Variants in ARHGAP8 observed in about 807,000 individuals in gnomAD.
ARHGAP8 encodes the protein rho GTPase-activating protein 8.
A neutral mutation model predicts 46.1 loss-of-function variants in ARHGAP8; 62 were observed. The ratio of observed to expected loss-of-function variants is 1.34; its 90% CI spans 1.10 to 1.66. The LOEUF (loss-of-function observed/expected upper bound fraction) is 1.66. ARHGAP8 is among the 40% of genes most tolerant of loss of function. The pLI is 0.00. For missense variants in ARHGAP8, 923 were observed against 568.4 expected (o/e 1.62, Z -6.34); for synonymous variants, 375 against 243.1 (o/e 1.54, Z -5.05).
intron 1 of ARHGAP8, among the ~76,000 whole-genome samples, chr22:44,783,224 G>T (rs552110104): frequency 2.0e-5 from 3 of 152,136 alleles, no homozygotes; most frequent in African/African-American, 7.2e-5. Context: ...GGTCTGGCCT[G>T]GCTCTCCCAT....
At chr22:44,777,822 A>T (rs1390284150) in intron 1 of ARHGAP8, among the ~76,000 whole-genome samples, 1 of 151,960 alleles carries the variant, frequency 6.6e-6, no homozygotes, top group African/African-American at 2.4e-5. Context: ...GACCCTCCCA[A>T]GTAGCTGGGA....
chr22:44,825,346 C>T, intron 6 of ARHGAP8, 137 bp from the exon 7 acceptor site: 2 of 787,312 alleles, frequency 2.5e-6, no homozygotes, highest in Non-Finnish European at 4.0e-6. Context: ...TGTGTGTGAG[C>T]TGGCAGTGTG....
At chr22:44,829,946 G>A (rs144172455) in intron 7 of ARHGAP8, among the ~76,000 whole-genome samples, 4,481 of 152,146 alleles carry the variant, frequency 0.029, 126 homozygotes, top group Middle Eastern at 0.16. Flanking sequence ...CAGGTACAGG[G>A]CAGAGCTTGA....
At chr22:44,851,331 C>G (rs188754121) in intron 10 of ARHGAP8, among the ~76,000 whole-genome samples, 2 of 152,206 alleles carry the variant, frequency 1.3e-5, no homozygotes, top group African/African-American at 4.8e-5. Context: ...AAGACAGATT[C>G]ACACGAGAAA....
chr22:44,831,560 A>G (rs537571465), intron 7 of ARHGAP8, among the ~76,000 whole-genome samples: 6 of 152,292 alleles, frequency 3.9e-5, no homozygotes, highest in Admixed American at 6.5e-5. Context: ...TGTGCTGGGC[A>G]TGGTGGCAGG....
At chr22:44,791,278 T>C (rs962229474) in intron 2 of ARHGAP8, among the ~76,000 whole-genome samples, 2 of 152,084 alleles carry the variant, frequency 1.3e-5, no homozygotes, top group African/African-American at 4.8e-5. Context: ...CCGGGGAGTA[T>C]ATGAAGTTGT....
intron 8 of ARHGAP8, among the ~76,000 whole-genome samples, chr22:44,847,598 T>C (rs930709484): frequency 6.6e-6 from 1 of 152,232 alleles, no homozygotes; most frequent in African/African-American, 2.4e-5. Context: ...TGCCAGGCAC[T>C]TGCTGGGCAT....
Position 44,792,792 on chromosome 22 carries a change from AGTG to A in ARHGAP8, c.79+6204_79+6206del, listed in dbSNP as rs756818869. Among the ~76,000 whole-genome samples the A allele has an allele frequency of 7.6e-5, 7 of 91,946 alleles. No homozygotes were observed. In the South Asian group the frequency reaches 1.9e-3, roughly 26 times the overall value. The allele number at this position is 91,946 out of a possible 152,430, so 60.3% of individuals were successfully genotyped here. ...TTTGTAGAATTTTGACACTAACGAC[AGTG>A]GTGGTGGTGGTGGTGGTTTTTTTTG... On this transcript the variant is annotated intron_variant, in intron 2 of 11. Coordinates refer to ENST00000356099, the MANE Select transcript of ARHGAP8 (RefSeq NM_181335.3).
At chr22:44,784,470 T>C (rs1927070346) in intron 1 of ARHGAP8, among the ~76,000 whole-genome samples, 1 of 152,178 alleles carries the variant, frequency 6.6e-6, no homozygotes, top group African/African-American at 2.4e-5. Context: ...GTATTTGGTA[T>C]TATAAGTAAT....
At chr22:44,792,152 C>G (rs972578339) in intron 2 of ARHGAP8, among the ~76,000 whole-genome samples, 3 of 152,038 alleles carry the variant, frequency 2.0e-5, no homozygotes, top group Non-Finnish European at 4.4e-5. Context: ...GCTGAGATTA[C>G]AGGCACCCAC....
chr22:44,862,227 G>C (rs377435528), intron 11 of ARHGAP8, 48 bp from the exon 12 acceptor site: 118 of 1,536,096 alleles, frequency 7.7e-5, no homozygotes, highest in Middle Eastern at 1.8e-4. Context: ...CCAGGTGCCC[G>C]TGCCCCTTGG....
chr22:44,841,278 T>A (rs575348610), intron 7 of ARHGAP8, among the ~76,000 whole-genome samples: 27 of 152,354 alleles, frequency 1.8e-4, no homozygotes, highest in African/African-American at 6.3e-4. Flanking sequence ...CGAGCGTGAT[T>A]TGCCGATTGT....
intron 7 of ARHGAP8, among the ~76,000 whole-genome samples, chr22:44,826,851 T>A (rs1486393424): frequency 6.6e-6 from 1 of 152,172 alleles, no homozygotes; most frequent in Non-Finnish European, 1.5e-5. Flanking sequence ...GCAGGGGCAT[T>A]CCTGGGGTTA....
chr22:44,785,518 T>C (rs1927153765), intron 1 of ARHGAP8, among the ~76,000 whole-genome samples: 2 of 152,136 alleles, frequency 1.3e-5, no homozygotes, highest in African/African-American at 2.4e-5. Flanking sequence ...TCCTGAGTCA[T>C]TGGATTCAGG....
intron 1 of ARHGAP8, among the ~76,000 whole-genome samples, chr22:44,762,530 A>T (rs132454): frequency 2.0e-5 from 3 of 146,544 alleles, no homozygotes; most frequent in South Asian, 2.1e-4. Flanking sequence ...CTCATTATGA[A>T]CTCTCTCTCT....
chr22:44,808,172 A>G (rs1929063874), intron 3 of ARHGAP8, 135 bp from the exon 4 acceptor site: 9 of 1,360,956 alleles, frequency 6.6e-6, no homozygotes, highest in East Asian at 2.4e-5. Flanking sequence ...ACCGGGGCCC[A>G]CGGTGCATGG....
intron 1 of ARHGAP8, among the ~76,000 whole-genome samples, chr22:44,759,701 G>A (rs1169007342): frequency 6.6e-6 from 1 of 152,230 alleles, no homozygotes; most frequent in Admixed American, 6.5e-5. Context: ...GAGCCTCAGG[G>A]GCCTGAAGGG....
At chr22:44,846,016 C>T (rs947179478) in intron 8 of ARHGAP8, among the ~76,000 whole-genome samples, 24 of 152,112 alleles carry the variant, frequency 1.6e-4, no homozygotes, top group Non-Finnish European at 3.1e-4. Context: ...TGAGTGCCCC[C>T]CCCCATCCCC....
chr22:44,845,248 C>T, intron 7 of ARHGAP8, 21 bp from the exon 8 acceptor site: 1 of 1,614,012 alleles, frequency 6.2e-7, no homozygotes, highest in Non-Finnish European at 8.5e-7. Flanking sequence ...AAAACTGCGA[C>T]TTTCTTTTCT....
Sources: gnomAD v4.1 joint callset for allele counts (sites outside exome capture counted in the v4.1 genomes callset) on GRCh38, gnomAD v4.1.1 for gene constraint, MANE v1.5 for transcripts, NCBI Gene and HGNC (gene_info 2026-07-23, HGNC 2026-07-21) for gene names.